TMEM50B: variants seen among roughly 807,000 people sequenced by gnomAD.
TMEM50B encodes HCV p7-trans-regulated protein 3.
Under a neutral mutation model 23.4 loss-of-function variants are expected in TMEM50B, and 14 were observed. That is an observed-to-expected ratio of 0.60 (90% CI 0.39 to 0.93). The LOEUF is 0.93. Ranked by LOEUF, TMEM50B falls within the 40% of genes least tolerant of loss-of-function variation. The pLI is 0.00. For synonymous variants in TMEM50B, 64 were observed against 62.3 expected, an observed-to-expected ratio of 1.03 and a Z score of -0.13; for missense variants, 159 against 193.0, an observed-to-expected ratio of 0.82 and a Z score of 1.04.
chr21:33,469,892 T>C (rs2084297385), intron 1 of TMEM50B, among the ~76,000 whole-genome samples: 1 of 152,158 alleles, frequency 6.6e-6, no homozygotes, highest in Non-Finnish European at 1.5e-5. Flanking sequence ...CCCTTCCAAA[T>C]TCCTGACCCA....
At chr21:33,473,545 G>A (rs1180409438) in intron 1 of TMEM50B, among the ~76,000 whole-genome samples, 1 of 150,784 alleles carries the variant, frequency 6.6e-6, no homozygotes, top group East Asian at 1.9e-4. Flanking sequence ...GCATGGTGGT[G>A]TGCACTTGTA....
intron 3 of TMEM50B, among the ~76,000 whole-genome samples, chr21:33,465,768 CTT>C (rs1039913975): frequency 2.0e-5 from 3 of 152,124 alleles, no homozygotes; most frequent in African/African-American, 7.2e-5. Context: ...AACAGTTTCT[CTT>C]TGTGTTAAAA....
intron 1 of TMEM50B, among the ~76,000 whole-genome samples, chr21:33,472,163 C>T (rs1193635758): frequency 6.6e-6 from 1 of 151,658 alleles, no homozygotes; most frequent in Admixed American, 6.6e-5. Context: ...GCGGGGGGAT[C>T]ACGAGGTCAA....
chr21:33,446,679 C>CAAAAAAAAAAAAAAAAAAAAA (rs1409384682), downstream of TMEM50B, among the ~76,000 whole-genome samples: 1 of 102,362 alleles, frequency 9.8e-6, no homozygotes, highest in African/African-American at 3.7e-5. Context: ...AAAAAAAAAA[C>CAAAAAAAAAAAAAAAAAAAAA]CTCTAAGAAA....
At chr21:33,436,941 A>T (rs369150049) in intron 8 of TMEM50B, 8 of 1,613,918 alleles carry the variant, frequency 5.0e-6, no homozygotes, top group African/African-American at 4.0e-5. Context: ...AGGAGCAAGA[A>T]GATGTTCTCC....
intron 1 of TMEM50B, chr21:33,478,775 C>T (rs759615047): frequency 2.1e-6 from 1 of 471,022 alleles, no homozygotes; most frequent in Non-Finnish European, 4.4e-6. Flanking sequence ...TTAATGTTTG[C>T]TCTACGTTTG....
At chr21:33,444,227 G>C (rs1192816837), downstream of TMEM50B, among the ~76,000 whole-genome samples, 2 of 151,964 alleles carry the variant, frequency 1.3e-5, no homozygotes, top group South Asian at 2.1e-4. Flanking sequence ...AACTCTCCTG[G>C]TAAGTCTGAT....
intron 7 of TMEM50B, among the ~76,000 whole-genome samples, chr21:33,440,493 G>A (rs973314653): frequency 1.8e-4 from 27 of 149,300 alleles, no homozygotes; most frequent in African/African-American, 5.2e-4. Context: ...GAGGCTGAGC[G>A]AAGGGAATTG....
intron 1 of TMEM50B, among the ~76,000 whole-genome samples, chr21:33,474,060 C>G (rs149157204): frequency 6.6e-6 from 1 of 152,000 alleles, no homozygotes; most frequent in African/African-American, 2.4e-5. Context: ...CTACAAGATT[C>G]TAAAACTAGA....
rs549927184 is a variant in TMEM50B at position 33,450,448 on chromosome 21, G to A, written c.*370C>T. ...TGACCTCAAGCAATCGGCCCGCCTC[G>A]GCCTCCCAAAGTGCTGGGATTACAG... On this transcript the variant is annotated 3_prime_UTR_variant, in exon 7 of 7. Transcript: ENST00000542230. 159 of 161,316 alleles carry A rather than the reference G, an allele frequency of 9.9e-4. 2 individuals carry two copies. The highest frequency in any genetic ancestry group is 3.5e-3 in the African/African-American group (147 of 41,852). The allele number at this position is 161,316 out of a possible 1,614,324, so 10.0% of individuals were successfully genotyped here.
At chr21:33,456,821 T>C (rs755018904) in intron 5 of TMEM50B, among the ~76,000 whole-genome samples, 4 of 152,240 alleles carry the variant, frequency 2.6e-5, no homozygotes, top group African/African-American at 4.8e-5. Flanking sequence ...CTTAGAACAG[T>C]ATCTAGCCTA....
chr21:33,444,803 CAAAA>C (rs60816843), downstream of TMEM50B, among the ~76,000 whole-genome samples: 61 of 96,300 alleles, frequency 6.3e-4, no homozygotes, highest in Middle Eastern at 0.013. Flanking sequence ...CATCTCTTTA[CAAAA>C]AAAAAAAAAA....
At chr21:33,462,077 G>T (rs1215747773) in intron 4 of TMEM50B, among the ~76,000 whole-genome samples, 1 of 151,994 alleles carries the variant, frequency 6.6e-6, no homozygotes, top group Non-Finnish European at 1.5e-5. Context: ...CTTGTCCCAG[G>T]TTCTAAGTAC....
At chr21:33,457,175 A>T (rs745876769) in intron 5 of TMEM50B, among the ~76,000 whole-genome samples, 14 of 152,062 alleles carry the variant, frequency 9.2e-5, no homozygotes, top group Non-Finnish European at 1.8e-4. Flanking sequence ...AATCACTTGA[A>T]CCCAGGAGGC....
chr21:33,468,702 G>T, intron 2 of TMEM50B, 85 bp downstream of exon 2: 2 of 1,030,122 alleles, frequency 1.9e-6, no homozygotes, highest in Non-Finnish European at 3.0e-6. Context: ...GTTCTGGAAA[G>T]CCATTCTCAG....
intron 4 of TMEM50B, 80 bp from the exon 5 acceptor site, chr21:33,460,585 C>A: frequency 1.3e-6 from 1 of 741,084 alleles, no homozygotes; most frequent in East Asian, 2.5e-5. Flanking sequence ...ACTAGGAGCC[C>A]TGTTAGCCTA....
intron 6 of TMEM50B, among the ~76,000 whole-genome samples, chr21:33,455,300 C>A (rs1424367826): frequency 6.6e-6 from 1 of 152,072 alleles, no homozygotes; most frequent in East Asian, 1.9e-4. Context: ...AAGCAATCCT[C>A]CCACCTCAGC....
At chr21:33,472,639 G>T (rs887516141) in intron 1 of TMEM50B, among the ~76,000 whole-genome samples, 2 of 151,996 alleles carry the variant, frequency 1.3e-5, no homozygotes, top group Non-Finnish European at 2.9e-5. Context: ...CACTTTGGGA[G>T]GCTGAGGCGG....
At chr21:33,471,850 A>G (rs538837622) in intron 1 of TMEM50B, among the ~76,000 whole-genome samples, 2 of 151,886 alleles carry the variant, frequency 1.3e-5, no homozygotes, top group Admixed American at 6.6e-5. Flanking sequence ...CCTGACTAAC[A>G]TGGTGAAACC....
Sources: allele counts gnomAD v4.1 joint callset (sites outside exome capture counted in the v4.1 genomes callset), GRCh38; gene constraint gnomAD v4.1.1; transcripts MANE v1.5; gene names NCBI Gene and HGNC (gene_info 2026-07-23, HGNC 2026-07-21).